ZNF331: variants seen among roughly 807,000 people sequenced by gnomAD.
ZNF331 encodes zinc finger protein 331.
A neutral mutation model predicts 7.0 loss-of-function variants in ZNF331; 2 were observed. The ratio of observed to expected loss-of-function variants is 0.29; its 90% confidence interval spans 0.12 to 0.90. The LOEUF (loss-of-function observed/expected upper bound fraction) is 0.90. ZNF331 is among the 40% of genes least tolerant of loss of function. The pLI is 0.58. For missense variants in ZNF331, 432 were observed against 587.7 expected, an observed-to-expected ratio of 0.74 and a Z score of 2.74; for synonymous variants, 196 against 205.4, an observed-to-expected ratio of 0.95 and a Z score of 0.39.
chr19:53,576,085 A>G (rs1006032931), intron 5 of ZNF331, among the ~76,000 whole-genome samples: 1 of 152,032 alleles, frequency 6.6e-6, no homozygotes, highest in Non-Finnish European at 1.5e-5. Flanking sequence ...CCCAGGTTCA[A>G]GCAATTTCCC....
In ZNF331 at chr19:53,573,330, CAG is replaced by C. The variant is rs1372833548; in HGVS notation, c.136+1603_136+1604del. ...AGGAGTTCGAGACCAGCTTGGCCAACAGAGTGAAACCCCATCTCTCCTGAAAA... is the reference window on the plus strand; with the variant it reads ...AGGAGTTCGAGACCAGCTTGGCCAACAGTGAAACCCCATCTCTCCTGAAAA... On this transcript the variant is annotated intron_variant, in intron 5 of 5. Transcript: ENST00000449416. The surrounding 1 kb of genome is among the most constrained non-coding windows in gnomAD (Gnocchi z 4.2). Among the ~76,000 whole-genome samples the C allele has an allele frequency of 1.3e-5, 2 of 152,116 alleles. No individual in the cohort carries two copies. Among genetic ancestry groups the C allele is most frequent in the Admixed American group, 1.3e-4 (2 of 15,262 alleles).
intron 2 of ZNF331, among the ~76,000 whole-genome samples, chr19:53,553,651 C>T (rs1191952976): frequency 6.6e-6 from 1 of 152,182 alleles, no homozygotes; most frequent in Non-Finnish European, 1.5e-5. Flanking sequence ...GACATTAGTA[C>T]TTGGAATGAG....
At chr19:53,506,445 T>C in the ZNF331 span, among the ~76,000 whole-genome samples, 1 of 23,416 alleles carries the variant, frequency 4.3e-5, no homozygotes. Context: ...TCTCTCTCTG[T>C]CTCTCTCTCT....
intron 3 of ZNF331, among the ~76,000 whole-genome samples, chr19:53,566,186 G>A (rs2090145671): frequency 6.6e-6 from 1 of 151,842 alleles, no homozygotes; most frequent in African/African-American, 2.4e-5. Flanking sequence ...TCTCCCAGGG[G>A]CATCACACCG....
intron 3 of ZNF331, among the ~76,000 whole-genome samples, chr19:53,564,074 CTTTTT>C (rs1205257105): frequency 2.1e-5 from 2 of 94,676 alleles, no homozygotes; most frequent in African/African-American, 4.3e-5. Flanking sequence ...AGCCTGCATT[CTTTTT>C]TTTTTTTTTT....
At chr19:53,546,646 A>G (rs1342622463) in intron 2 of ZNF331, among the ~76,000 whole-genome samples, 1 of 152,182 alleles carries the variant, frequency 6.6e-6, no homozygotes, top group Admixed American at 6.5e-5. Flanking sequence ...AGTCAAACAC[A>G]GATATCTTTG....
intron 2 of ZNF331, among the ~76,000 whole-genome samples, chr19:53,546,689 A>C (rs541144638): frequency 1.1e-4 from 17 of 152,238 alleles, no homozygotes; most frequent in Non-Finnish European, 2.5e-4. Flanking sequence ...TTAGAGCACA[A>C]GAAAAGAGAA....
upstream of ZNF331, among the ~76,000 whole-genome samples, chr19:53,516,674 G>T (rs909178300): frequency 1.3e-5 from 2 of 152,056 alleles, no homozygotes; most frequent in African/African-American, 4.8e-5. Context: ...TACATCTGTA[G>T]TCCAGAGCTT....
chr19:53,540,718 G>A (rs539634192), intron 2 of ZNF331, among the ~76,000 whole-genome samples: 3 of 152,040 alleles, frequency 2.0e-5, no homozygotes, highest in Admixed American at 6.5e-5. Flanking sequence ...TTACAGGTGT[G>A]AGCCACCGAG....
upstream of ZNF331, among the ~76,000 whole-genome samples, chr19:53,515,722 C>A (rs8111350): frequency 0.067 from 10,229 of 152,180 alleles, 410 homozygotes; most frequent in South Asian, 0.12. Flanking sequence ...GTCTCAAACT[C>A]CCGACCTCAG....
upstream of ZNF331, among the ~76,000 whole-genome samples, chr19:53,533,745 T>A (rs1408775544): frequency 1.3e-5 from 2 of 152,226 alleles, no homozygotes; most frequent in Non-Finnish European, 2.9e-5. Context: ...ATAATGACTT[T>A]CTTTCTCTTC....
intron 3 of ZNF331, among the ~76,000 whole-genome samples, chr19:53,568,685 C>A (rs1272830303): frequency 6.6e-6 from 1 of 151,802 alleles, no homozygotes; most frequent in Non-Finnish European, 1.5e-5. Context: ...TCCCACCCAT[C>A]CGTCCCCGAC....
At chr19:53,505,071 T>C in the ZNF331 span, among the ~76,000 whole-genome samples, 1 of 152,124 alleles carries the variant, frequency 6.6e-6, no homozygotes, top group African/African-American at 2.4e-5. Flanking sequence ...GCTGAGTTCA[T>C]GGGGTTGAGC....
At chr19:53,561,679 C>T (rs1333287265) in intron 3 of ZNF331, among the ~76,000 whole-genome samples, 1 of 152,042 alleles carries the variant, frequency 6.6e-6, no homozygotes, top group Non-Finnish European at 1.5e-5. Flanking sequence ...ATAGTGAGAC[C>T]TCATCTCTCC....
intron 3 of ZNF331, among the ~76,000 whole-genome samples, chr19:53,563,069 G>A (rs960734866): frequency 6.6e-5 from 10 of 151,986 alleles, no homozygotes; most frequent in African/African-American, 1.7e-4. Context: ...GGTTCTGTAA[G>A]CTGGCTGGAT....
At position 53,561,382 on chromosome 19, in the gene ZNF331, A is replaced by G. The variant is rs544434608; in HGVS notation, c.-74+5474A>G. ...TTAGTCCCTGAGGAGCTCTTAGAGAAAACTCTCTAAATTACCCGTAATTGT... is the reference window on the plus strand; with the variant it reads ...TTAGTCCCTGAGGAGCTCTTAGAGAGAACTCTCTAAATTACCCGTAATTGT... On this transcript the variant is annotated intron_variant, in intron 3 of 5. Transcript: ENST00000449416. 1.6e-4 allele frequency among the ~76,000 whole-genome samples: 25 copies of G among 151,722 alleles called. No homozygotes were observed. The Middle Eastern group carries it at 0.014, about 84-fold the overall frequency.
chr19:53,515,740 G>A (rs924621609), upstream of ZNF331, among the ~76,000 whole-genome samples: 2 of 152,024 alleles, frequency 1.3e-5, no homozygotes, highest in African/African-American at 4.8e-5. Flanking sequence ...CAGGTGATCC[G>A]CCTTCCTCGG....
Position 53,580,031 on chromosome 19 carries a change from A to G in ZNF331, c.*2079A>G, listed in dbSNP as rs1207936657. On this transcript the variant is annotated 3_prime_UTR_variant, in exon 6 of 6. Coordinates refer to ENST00000449416, the MANE Select transcript of ZNF331 (RefSeq NM_001079906.2). ...CAAGGAACTGTAGAGTAAAACCACA[A>G]TGTGCTGTCACTCTAGACAGTCACC... 9.5e-6 allele frequency: 2 copies of G among 210,782 alleles called. No individual in the cohort carries two copies. Among genetic ancestry groups the G allele is most frequent in the East Asian group, 1.4e-4 (2 of 14,012 alleles). The allele number at this position is 210,782 out of a possible 1,614,324, so 13.1% of individuals were successfully genotyped here. A position where few individuals can be genotyped will look rare whatever the true frequency, so the allele number is the denominator to read the frequency against.
chr19:53,519,410 AAC>A (rs1184006947), upstream of ZNF331, among the ~76,000 whole-genome samples: 4 of 152,346 alleles, frequency 2.6e-5, no homozygotes, highest in African/African-American at 9.6e-5. Context: ...TATCCTGCCT[AAC>A]CACCTGACCA....
Sources: gnomAD v4.1 joint callset for allele counts (sites outside exome capture counted in the v4.1 genomes callset) on GRCh38, gnomAD v4.1.1 for gene constraint, Gnocchi (gnomAD v3.1) non-coding constraint, MANE v1.5 for transcripts, NCBI Gene and HGNC (gene_info 2026-07-23, HGNC 2026-07-21) for gene names.